The following ZNF560 variants were observed in gnomAD, a reference collection of about 807,000 sequenced individuals.
ZNF560 encodes zinc finger protein 560.
Under a neutral mutation model 81.8 loss-of-function variants are expected in ZNF560, and 54 were observed. That is an observed-to-expected ratio of 0.66 (90% CI 0.53 to 0.83). ZNF560 has a LOEUF of 0.83. ZNF560 is among the 40% of genes least tolerant of loss of function. ZNF560 has a pLI of 0.00. For missense variants in ZNF560, 940 were observed against 932.4 expected (o/e 1.01, Z -0.11); for synonymous variants, 321 against 317.9 (o/e 1.01, Z -0.10).
chr19:9,476,601 T>C (rs1441811734), intron 2 of ZNF560, among the ~76,000 whole-genome samples: 1 of 152,038 alleles, frequency 6.6e-6, no homozygotes, highest in Non-Finnish European at 1.5e-5. Context: ...ATCTGATGGT[T>C]TTATAAGTAT....
intron 1 of ZNF560, among the ~76,000 whole-genome samples, 151 bp downstream of exon 1, chr19:9,498,387 C>T (rs2073595950): frequency 6.6e-6 from 1 of 152,140 alleles, no homozygotes; most frequent in Non-Finnish European, 1.5e-5. Context: ...GCCTCTTCGA[C>T]GTGGCCTCAC....
rs1366132048 is a variant in ZNF560 at position 9,473,203 on chromosome 19, T to C, written c.214A>G (p.Thr72Ala). Residue 72 changes from threonine (T) to alanine (A), a missense_variant, in exon 5 of 10, where the codon ACC becomes GCC. Thr to Ala is a moderately conservative substitution (Grantham distance 58). Transcript: ENST00000301480. Reference protein sequence around the residue: ...ISWLEEEELRTLQQGVLQDWA... With the variant: ...ISWLEEEELRALQQGVLQDWA... ...CCTTGGAGAACTCCTTGCTGCAAGG[T>C]TCTCAACTCTTCTTCTTCCAACCAA... The C allele has an allele frequency of 1.2e-6, 2 of 1,613,648 alleles. No homozygotes were observed. The highest frequency in any genetic ancestry group is 2.7e-5 in the African/African-American group (2 of 74,902).
Position 9,466,435 on chromosome 19 carries a change from G to C in ZNF560, c.*139C>G. 1 of 751,756 alleles carries C rather than the reference G, an allele frequency of 1.3e-6. No homozygotes were observed. The highest frequency in any genetic ancestry group is 2.7e-5 in the East Asian group (1 of 37,306). The allele number at this position is 751,756 out of a possible 1,614,324, so 46.6% of individuals were successfully genotyped here. The stretch of plus-strand genomic sequence containing the variant: ...TACAGTGTGAGTTTGTACATATCTA[G>C]AAAGATTCAACTGTTCAGGCTTTCT... On this transcript the variant is annotated 3_prime_UTR_variant, in exon 10 of 10. Transcript: ENST00000301480.
chr19:9,499,642 G>T (rs932369515), upstream of ZNF560, among the ~76,000 whole-genome samples: 1 of 152,196 alleles, frequency 6.6e-6, no homozygotes, highest in African/African-American at 2.4e-5. Flanking sequence ...AAAAAGAAAG[G>T]ACTGTTGGAC....
intron 2 of ZNF560, among the ~76,000 whole-genome samples, chr19:9,497,648 T>TA (rs1246596930): frequency 2.0e-5 from 3 of 151,722 alleles, no homozygotes; most frequent in Non-Finnish European, 2.9e-5. Flanking sequence ...CACAAAACGC[T>TA]AAAAAACAGG....
chr19:9,466,738 C>T lies in ZNF560; in HGVS notation c.2209G>A (p.Glu737Lys), dbSNP rs1426999750. 1.2e-6 allele frequency: 2 copies of T among 1,614,064 alleles called. No homozygotes were observed. Among genetic ancestry groups the T allele is most frequent in the African/African-American group, 2.7e-5 (2 of 74,936 alleles). The change falls in exon 10 of 10, where the codon GAG becomes AAG. Residue 737 changes from glutamate to lysine, a missense_variant. Glu to Lys is a moderately conservative substitution (Grantham distance 56). Coordinates refer to ENST00000301480, the MANE Select transcript of ZNF560 (RefSeq NM_152476.3). ...CATTCCTTACATTTATAGGGCTTCT[C>T]TCCAGTGTGAATTCGCACATGATTA... is the stretch of plus-strand genomic sequence containing the variant. Reference protein sequence around the residue: ...LTNHVRIHTGEKPYKCKECGK... With the variant: ...LTNHVRIHTGKKPYKCKECGK...
the ZNF560 span, among the ~76,000 whole-genome samples, chr19:9,454,136 C>G: frequency 6.6e-6 from 1 of 152,206 alleles, no homozygotes; most frequent in Non-Finnish European, 1.5e-5. Flanking sequence ...AGGACATGTT[C>G]CTGCTGCAGA....
At chr19:9,473,943 A>G (rs538161285) in intron 4 of ZNF560, among the ~76,000 whole-genome samples, 1 of 152,366 alleles carries the variant, frequency 6.6e-6, no homozygotes, top group Non-Finnish European at 1.5e-5. Flanking sequence ...GTTAACACAC[A>G]GATGACAATC....
rs759705492 is a variant in ZNF560 at position 9,474,245 on chromosome 19, T to C, written c.111A>G (p.Leu37=). The change falls in exon 4 of 10, where the codon TTA becomes TTG. Residue 37 remains leucine (L), a synonymous_variant. Transcript: ENST00000301480. ...AATTCTCCAGCATCACATCTCTGTA[T>C]AAGTTTCTCTGAACTGGGTCCAGTA... ...WILLDPVQRN[L]YRDVMLENYE... The C allele has an allele frequency of 1.2e-6, 2 of 1,614,170 alleles. No individual in the cohort carries two copies. The highest frequency in any genetic ancestry group is 1.1e-5 in the South Asian group (1 of 91,084).
chr19:9,503,088 G>A (rs145101814), upstream of ZNF560, among the ~76,000 whole-genome samples: 252 of 152,086 alleles, frequency 1.7e-3, 1 homozygote, highest in African/African-American at 5.8e-3. Flanking sequence ...AGGTAATGTG[G>A]CTCACACCTG....
the ZNF560 span, among the ~76,000 whole-genome samples, chr19:9,452,103 C>T: frequency 6.6e-6 from 1 of 151,558 alleles, no homozygotes; most frequent in Non-Finnish European, 1.5e-5. Flanking sequence ...GGGGGCAGGG[C>T]AAAAGAACAT....
intron 2 of ZNF560, among the ~76,000 whole-genome samples, chr19:9,477,253 C>T (rs1336595638): frequency 6.6e-6 from 1 of 151,642 alleles, no homozygotes; most frequent in African/African-American, 2.4e-5. Context: ...GAACAATATC[C>T]CTATTTAGTG....
chr19:9,490,502 C>T (rs2073454881), intron 2 of ZNF560, among the ~76,000 whole-genome samples: 1 of 152,126 alleles, frequency 6.6e-6, no homozygotes, highest in Admixed American at 6.5e-5. Flanking sequence ...AGATAAGAAC[C>T]CTACTATAAC....
intron 2 of ZNF560, among the ~76,000 whole-genome samples, chr19:9,492,402 T>G (rs1277030104): frequency 4.6e-5 from 7 of 152,194 alleles, no homozygotes; most frequent in Admixed American, 4.6e-4. Context: ...CATATAGGAT[T>G]TGTATAGAGG....
downstream of ZNF560, among the ~76,000 whole-genome samples, chr19:9,463,675 A>G (rs530464036): frequency 3.7e-4 from 57 of 152,190 alleles, no homozygotes; most frequent in African/African-American, 1.2e-3. Flanking sequence ...ATGGACCTCA[A>G]TTCAGTTTTT....
At chr19:9,472,839 T>C (rs1200303767) in intron 5 of ZNF560, among the ~76,000 whole-genome samples, 1 of 152,184 alleles carries the variant, frequency 6.6e-6, no homozygotes. Flanking sequence ...TTGTCTTCCA[T>C]GAAACTGGTC....
chr19:9,464,382 A>G (rs1452932553), downstream of ZNF560, among the ~76,000 whole-genome samples: 1 of 152,064 alleles, frequency 6.6e-6, no homozygotes, highest in Non-Finnish European at 1.5e-5. Context: ...GGTTCCCACC[A>G]CCTCTCTGCA....
At chr19:9,461,250 T>A in the ZNF560 span, among the ~76,000 whole-genome samples, 171 of 152,294 alleles carry the variant, frequency 1.1e-3, no homozygotes, top group Middle Eastern at 3.4e-3. Context: ...GATCTAAAGT[T>A]TGACACCCCT....
the ZNF560 span, among the ~76,000 whole-genome samples, chr19:9,448,415 T>TTTTTA: frequency 2.7e-5 from 4 of 147,730 alleles, no homozygotes; most frequent in East Asian, 5.9e-4. Flanking sequence ...TTTTTTTTTT[T>TTTTTA]AGTGGAGACA....
Sources: allele counts gnomAD v4.1 joint callset (sites outside exome capture counted in the v4.1 genomes callset), GRCh38; gene constraint gnomAD v4.1.1; transcripts MANE v1.5; gene names NCBI Gene and HGNC (gene_info 2026-07-23, HGNC 2026-07-21).